Variants in CDYL2 observed in about 807,000 individuals in gnomAD.
The protein encoded by CDYL2 is chromodomain Y like 2.
A neutral mutation model predicts 49.4 loss-of-function variants in CDYL2; 23 were observed. That is an observed-to-expected ratio of 0.47 (90% CI 0.34 to 0.66). The LOEUF is 0.66. Among genes scored for constraint, CDYL2 ranks in the 30% least tolerant of loss-of-function variants. The pLI is 0.01. For missense variants in CDYL2, 678 were observed against 656.4 expected (o/e 1.03, Z -0.36); for synonymous variants, 360 against 268.8 (o/e 1.34, Z -3.32).
intron 4 of CDYL2, among the ~76,000 whole-genome samples, chr16:80,615,400 G>T (rs1018022960): frequency 6.6e-6 from 1 of 152,134 alleles, no homozygotes; most frequent in Non-Finnish European, 1.5e-5. Flanking sequence ...CAGAGTCTTA[G>T]ATCTCAGAGG....
intron 4 of CDYL2, among the ~76,000 whole-genome samples, chr16:80,613,596 T>G (rs1906698989): frequency 6.6e-6 from 1 of 152,196 alleles, no homozygotes; most frequent in African/African-American, 2.4e-5. Context: ...CTGGGCAATA[T>G]TTTCTCTCCC....
intron 1 of CDYL2, among the ~76,000 whole-genome samples, chr16:80,747,807 C>T (rs1304766069): frequency 6.6e-6 from 1 of 152,134 alleles, no homozygotes; most frequent in Non-Finnish European, 1.5e-5. Flanking sequence ...CCATTTCCTG[C>T]ACACACCTAT....
chr16:80,653,547 T>C (rs559294367), intron 2 of CDYL2, among the ~76,000 whole-genome samples: 1 of 152,312 alleles, frequency 6.6e-6, no homozygotes, highest in South Asian at 2.1e-4. Context: ...ATTTTTCTTC[T>C]TTTTATTGTT....
intron 4 of CDYL2, among the ~76,000 whole-genome samples, chr16:80,616,921 T>G (rs1906852042): frequency 6.6e-6 from 1 of 152,216 alleles, no homozygotes; most frequent in Admixed American, 6.5e-5. Flanking sequence ...GAGAGATCCA[T>G]GACATACCCA....
chr16:80,794,926 TA>T (rs1907725108), intron 1 of CDYL2, among the ~76,000 whole-genome samples: 1 of 152,134 alleles, frequency 6.6e-6, no homozygotes, highest in South Asian at 2.1e-4. Context: ...GTGATAGTTT[TA>T]AAGGCATTCA....
chr16:80,666,415 C>T (rs1022434443), intron 2 of CDYL2, among the ~76,000 whole-genome samples: 23 of 152,140 alleles, frequency 1.5e-4, no homozygotes, highest in African/African-American at 3.6e-4. Flanking sequence ...CAAAGAACTG[C>T]GCAAAATACA....
rs1905838639 is a variant in CDYL2 at position 80,743,961 on chromosome 16, T to A, written c.25-58832A>T. 3.9e-5 allele frequency among the ~76,000 whole-genome samples: 6 copies of A among 152,170 alleles called. No individual in the cohort carries two copies. In the South Asian group the frequency reaches 1.2e-3, roughly 32 times the overall value. ...GTACTATTCCTCCTGCCTCTTCTGC[T>A]GCTTCTGCAAAGGGAAAAGGGAACC... On this transcript the variant is annotated intron_variant, in intron 1 of 6. Transcript: ENST00000570137.
At chr16:80,648,768 A>T (rs1179846916) in intron 2 of CDYL2, among the ~76,000 whole-genome samples, 1 of 152,038 alleles carries the variant, frequency 6.6e-6, no homozygotes, top group Non-Finnish European at 1.5e-5. Context: ...ATACTAGCAA[A>T]CTGAATTCAA....
chr16:80,659,095 GGATGGA>G, intron 2 of CDYL2, among the ~76,000 whole-genome samples: 1 of 126,174 alleles, frequency 7.9e-6, no homozygotes, highest in Non-Finnish European at 1.6e-5. Flanking sequence ...ATGGATGGAT[GGATGGA>G]CAGACGGATG....
intron 1 of CDYL2, among the ~76,000 whole-genome samples, chr16:80,736,030 C>A (rs1462659098): frequency 6.6e-6 from 1 of 152,202 alleles, no homozygotes; most frequent in African/African-American, 2.4e-5. Context: ...GGTCACCTTC[C>A]CAGCTTGTCC....
intron 2 of CDYL2, among the ~76,000 whole-genome samples, chr16:80,673,074 T>G (rs1909596765): frequency 6.6e-6 from 1 of 152,080 alleles, no homozygotes; most frequent in Admixed American, 6.6e-5. Flanking sequence ...TCCCAGCACT[T>G]TGGGAGGCCG....
intron 1 of CDYL2, among the ~76,000 whole-genome samples, chr16:80,713,510 A>G (rs375826118): frequency 6.6e-6 from 1 of 152,120 alleles, no homozygotes; most frequent in Admixed American, 6.5e-5. Context: ...GTCCCTCTGA[A>G]CCATTGATGA....
intron 2 of CDYL2, among the ~76,000 whole-genome samples, chr16:80,642,439 T>C (rs145540347): frequency 2.0e-5 from 3 of 152,280 alleles, no homozygotes; most frequent in Non-Finnish European, 4.4e-5. Context: ...CGAGACTCCA[T>C]CTAAAAAAAA....
At chr16:80,670,199 CCT>C (rs1275594888) in intron 2 of CDYL2, among the ~76,000 whole-genome samples, 1 of 152,168 alleles carries the variant, frequency 6.6e-6, no homozygotes, top group Non-Finnish European at 1.5e-5. Flanking sequence ...ATATGGTTTG[CCT>C]GTGTCCCCAC....
At chr16:80,629,392 C>T (rs1224312093) in intron 3 of CDYL2, among the ~76,000 whole-genome samples, 2 of 152,132 alleles carry the variant, frequency 1.3e-5, no homozygotes, top group Non-Finnish European at 2.9e-5. Context: ...TAAAGGTGAA[C>T]CGGCCTTGAG....
At chr16:80,667,341 G>A (rs1286935858) in intron 2 of CDYL2, among the ~76,000 whole-genome samples, 4 of 152,166 alleles carry the variant, frequency 2.6e-5, no homozygotes, top group Non-Finnish European at 5.9e-5. Context: ...TCTTTGTGAT[G>A]TGTCAACAGG....
At chr16:80,609,568 C>G (rs1906502976) in intron 5 of CDYL2, among the ~76,000 whole-genome samples, 1 of 152,188 alleles carries the variant, frequency 6.6e-6, no homozygotes, top group Non-Finnish European at 1.5e-5. Context: ...TGAAGAACAC[C>G]TCAGTCAAAT....
chr16:80,786,027 C>T (rs1429595154), intron 1 of CDYL2, among the ~76,000 whole-genome samples: 2 of 152,150 alleles, frequency 1.3e-5, no homozygotes, highest in African/African-American at 4.8e-5. Flanking sequence ...AAAACCTGGG[C>T]AATACCATTC....
At position 80,758,278 on chromosome 16, in the gene CDYL2, T is replaced by C. The variant is rs186828279; in HGVS notation, c.24+45872A>G. The stretch of plus-strand genomic sequence containing the variant: ...TCTTTACACCAAAATAAATTTAGTA[T>C]AAAATAAATTCCAGATAACTTACAT... On this transcript the variant is annotated intron_variant, in intron 1 of 6. Coordinates refer to ENST00000570137, the MANE Select transcript of CDYL2 (RefSeq NM_152342.4). Among the ~76,000 whole-genome samples, 127 of 152,172 alleles carry C rather than the reference T, an allele frequency of 8.3e-4. 1 individual carries two copies. In the East Asian group the frequency reaches 0.015, roughly 18 times the overall value.
Sources: gnomAD v4.1 joint callset for allele counts (sites outside exome capture counted in the v4.1 genomes callset) on GRCh38, gnomAD v4.1.1 for gene constraint, MANE v1.5 for transcripts, NCBI Gene and HGNC (gene_info 2026-07-23, HGNC 2026-07-21) for gene names.